INHBB: variants seen among roughly 807,000 people sequenced by gnomAD.
INHBB encodes the protein inhibin beta B chain.
A neutral mutation model predicts 28.9 loss-of-function variants in INHBB; 8 were observed. The ratio of observed to expected loss-of-function variants is 0.28; its 90% CI spans 0.16 to 0.50. The LOEUF is 0.50. Ranked by LOEUF, INHBB falls within the 20% of genes least tolerant of loss-of-function variation. The pLI is 0.98. For synonymous variants in INHBB, 293 were observed against 262.7 expected (o/e 1.12, Z -1.12); for missense variants, 499 against 597.8 (o/e 0.83, Z 1.72).
intron 1 of INHBB, among the ~76,000 whole-genome samples, chr2:120,348,274 A>G (rs2104574085): frequency 6.6e-6 from 1 of 151,492 alleles, no homozygotes; most frequent in East Asian, 1.9e-4. Flanking sequence ...GTCAGAGGCA[A>G]GGGTCACCGG....
intron 1 of INHBB, 27 bp downstream of exon 1, chr2:120,346,663 C>G (rs780087399): frequency 7.1e-7 from 1 of 1,402,478 alleles, no homozygotes; most frequent in Non-Finnish European, 9.2e-7. Flanking sequence ...GGCTGTCTGC[C>G]GCGGTCCCCG....
Position 120,349,914 on chromosome 2 carries a change from A to G in INHBB, c.*40A>G. The G allele has an allele frequency of 6.4e-7, 1 of 1,574,430 alleles. No homozygotes were observed. The highest frequency in any genetic ancestry group is 8.6e-7 in the Non-Finnish European group (1 of 1,157,086). On this transcript the variant is annotated 3_prime_UTR_variant, in exon 2 of 2. Coordinates refer to ENST00000295228, the MANE Select transcript of INHBB (RefSeq NM_002193.4). The surrounding 1 kb of genome is among the most constrained non-coding windows in gnomAD (Gnocchi z 5.6). ...GGCACGGTGGTGGGGCACGGAGGGC[A>G]GTCCCGGGTGGGCTTCTTCCAGCCC...
At chr2:120,346,930 C>T (rs1015342703) in intron 1 of INHBB, among the ~76,000 whole-genome samples, 2 of 152,234 alleles carry the variant, frequency 1.3e-5, no homozygotes, top group East Asian at 1.9e-4. Context: ...GTCCCCCTCC[C>T]GGCAGATGCG....
chr2:120,349,550 C>G lies in INHBB; in HGVS notation c.900C>G (p.Thr300=). The change falls in exon 2 of 2, where the codon ACC becomes ACG. Residue 300 remains threonine (T), a synonymous_variant. Transcript: ENST00000295228. The surrounding 1 kb of genome is among the most constrained non-coding windows in gnomAD (Gnocchi z 5.6). ...RKRGLECDGR[T]NLCCRQQFFI... ...GAGGCCTGGAGTGCGATGGCCGGAC[C>G]AACCTCTGTTGCAGGCAACAGTTCT... The G allele has an allele frequency of 1.2e-6, 2 of 1,614,060 alleles. No individual in the cohort carries two copies. Among genetic ancestry groups the G allele is most frequent in the South Asian group, 1.1e-5 (1 of 91,090 alleles).
Position 120,350,171 on chromosome 2 carries a change from G to T in INHBB, c.*297G>T. ...GCCTCCAGGATACCAGCAAATGGAT[G>T]CGGTGACAAATGGCAGCTTAGCTAC... On this transcript the variant is annotated 3_prime_UTR_variant, in exon 2 of 2. Transcript: ENST00000295228. 2.5e-6 allele frequency: 1 copy of T among 395,816 alleles called. No individual in the cohort carries two copies. The highest frequency in any genetic ancestry group is 4.6e-6 in the Non-Finnish European group (1 of 217,924). 24.5% of individuals were successfully genotyped at this position (395,816 alleles called of 1,614,324 possible).
rs777351329 is a variant in INHBB, at chr2:120,349,233, C to T, written c.583C>T (p.Arg195Trp). 81 of 1,614,036 alleles carry T rather than the reference C, an allele frequency of 5.0e-5. No homozygotes were observed. Among genetic ancestry groups the T allele is most frequent in the Non-Finnish European group, 6.4e-5 (75 of 1,180,048 alleles). The change falls in exon 2 of 2, where the codon CGG becomes TGG. Residue 195 changes from arginine (R) to tryptophan (W), a missense_variant. Around this residue, in one of 2 missense-constraint regions of INHBB, gnomAD observed 385 missense variants for 415.2 expected, o/e 0.93. Coordinates refer to ENST00000295228, the MANE Select transcript of INHBB (RefSeq NM_002193.4). The surrounding 1 kb of genome is among the most constrained non-coding windows in gnomAD (Gnocchi z 5.6). ...CTACGTCCTGGAGAAGGGCAGCCGG[C>T]GGAAGGTGCGGGTCAAAGTGTACTT... ...LPYVLEKGSRRKVRVKVYFQE... is the reference protein window; with the variant it reads ...LPYVLEKGSRWKVRVKVYFQE...
At chr2:120,347,396 C>CCG (rs1491128343) in intron 1 of INHBB, among the ~76,000 whole-genome samples, 1 of 85,098 alleles carries the variant, frequency 1.2e-5, no homozygotes, top group African/African-American at 6.7e-5. Context: ...CTGGAATCCG[C>CCG]CCCCCCCCCC....
intron 1 of INHBB, among the ~76,000 whole-genome samples, chr2:120,347,085 ATCTGTGTGTGTG>A (rs1330538319): frequency 2.0e-5 from 3 of 151,954 alleles, no homozygotes; most frequent in Non-Finnish European, 4.4e-5. Flanking sequence ...GTGTGTGTGT[ATCTGTGTGTGTG>A]TCTGTGTGTG....
chr2:120,347,410 C>T (rs1199752177), intron 1 of INHBB, among the ~76,000 whole-genome samples: 3 of 151,130 alleles, frequency 2.0e-5, no homozygotes, highest in Non-Finnish European at 4.4e-5. Context: ...CCCCCCCGGC[C>T]CCAGATTGCA....
Position 120,346,386 on chromosome 2 carries a change from G to C in INHBB, c.198G>C (p.Glu66Asp). The change falls in exon 1 of 2, where the codon GAG (glutamate) becomes GAC (aspartate). Residue 66 changes from glutamate to aspartate, a missense_variant. Glu to Asp is a conservative substitution (Grantham distance 45, BLOSUM62 2). Around this residue, in one of 2 missense-constraint regions of INHBB, gnomAD observed 385 missense variants for 415.2 expected, o/e 0.93. Transcript: ENST00000295228. ...TSCGGFRRPEELGRVDGDFLE... is the reference protein window; with the variant it reads ...TSCGGFRRPEDLGRVDGDFLE... ...GCGGCGGCTTCCGGCGGCCAGAGGA[G>C]CTCGGCCGAGTGGACGGCGACTTCC... 1 of 1,527,196 alleles carries C rather than the reference G, an allele frequency of 6.5e-7. No homozygotes were observed. The highest frequency in any genetic ancestry group is 2.6e-5 in the East Asian group (1 of 38,538). The allele number at this position is 1,527,196 out of a possible 1,614,324, so 94.6% of individuals were successfully genotyped here. A position where few individuals can be genotyped will look rare whatever the true frequency, so the allele number is the denominator to read the frequency against.
rs1390366565 is a variant in INHBB, at chr2:120,346,427, G to T, written c.239G>T (p.Arg80Leu). The T allele has an allele frequency of 3.9e-6, 6 of 1,549,490 alleles. No homozygotes were observed. The African/African-American group carries it at 7.1e-5, about 18-fold the overall frequency. The change falls in exon 1 of 2, where the codon CGG (arginine) becomes CTG (leucine). Residue 80 changes from arginine (R) to leucine (L), a missense_variant. By Grantham distance (102) the Arg-to-Leu change is moderately radical. Around this residue, in one of 2 missense-constraint regions of INHBB, gnomAD observed 385 missense variants for 415.2 expected, o/e 0.93. Transcript: ENST00000295228. ...GGCGACTTCCTGGAGGCGGTGAAGC[G>T]GCACATCTTGAGCCGCCTGCAGATG... ...VDGDFLEAVKRHILSRLQMRG... is the reference protein window; with the variant it reads ...VDGDFLEAVKLHILSRLQMRG...
In INHBB at chr2:120,350,277, C is replaced by T. The variant is rs966730894; in HGVS notation, c.*403C>T. ...CCCGGCCACTCTGAATTGCGCCTTC[C>T]GAGCACACATAAAAGCACAAAGACA... On this transcript the variant is annotated 3_prime_UTR_variant, in exon 2 of 2. Coordinates refer to ENST00000295228, the MANE Select transcript of INHBB (RefSeq NM_002193.4). 7.3e-5 allele frequency: 16 copies of T among 219,336 alleles called. No homozygotes were observed. The highest frequency in any genetic ancestry group is 2.3e-4 in the East Asian group (2 of 8,552). 13.6% of individuals were successfully genotyped at this position (219,336 alleles called of 1,614,324 possible).
At position 120,346,241 on chromosome 2, in the gene INHBB, C is replaced by T; in HGVS notation, c.53C>T (p.Ala18Val). Residue 18 changes from alanine to valine, a missense_variant, in exon 1 of 2, where the codon GCG becomes GTG. Ala to Val is a moderately conservative substitution (Grantham distance 64, BLOSUM62 0). This residue lies in a region of INHBB where 385 missense variants were observed against 415.2 expected (regional missense o/e 0.93). Coordinates refer to ENST00000295228, the MANE Select transcript of INHBB (RefSeq NM_002193.4). ...GGGGCCGCCTGCCTTCTGCTGCTGGCGGCCGGCTGGCTGGGGCCTGAGGCC... is the reference window on the plus strand; with the variant it reads ...GGGGCCGCCTGCCTTCTGCTGCTGGTGGCCGGCTGGCTGGGGCCTGAGGCC... ...ALGAACLLLL[A>V]AGWLGPEAWG... The T allele has an allele frequency of 1.6e-6, 2 of 1,226,056 alleles. No homozygotes were observed. The highest frequency in any genetic ancestry group is 3.9e-5 in the South Asian group (1 of 25,620). The allele number at this position is 1,226,056 out of a possible 1,614,324, so 75.9% of individuals were successfully genotyped here.
Position 120,349,613 on chromosome 2 carries a change from C to T in INHBB, c.963C>T (p.Ile321=). 2.5e-6 allele frequency: 4 copies of T among 1,613,846 alleles called. No homozygotes were observed. The highest frequency in any genetic ancestry group is 1.1e-5 in the South Asian group (1 of 91,080). The change falls in exon 2 of 2, where the codon ATC becomes ATT. Residue 321 remains isoleucine (I), a synonymous_variant. Transcript: ENST00000295228. The surrounding 1 kb of genome is among the most constrained non-coding windows in gnomAD (Gnocchi z 5.6). ...DFRLIGWNDW[I]IAPTGYYGNY... is the part of the protein sequence containing the mutation. ...GCCTCATCGGCTGGAACGACTGGATCATAGCACCCACCGGCTACTACGGGA... is the reference window on the plus strand; with the variant it reads ...GCCTCATCGGCTGGAACGACTGGATTATAGCACCCACCGGCTACTACGGGA...
chr2:120,349,078 C>T lies in INHBB; in HGVS notation c.449-21C>T, dbSNP rs187098833. 114 of 1,574,468 alleles carry T rather than the reference C, an allele frequency of 7.2e-5. No homozygotes were observed. The highest frequency in any genetic ancestry group is 5.3e-4 in the Admixed American group (30 of 56,456). On this transcript the variant is annotated intron_variant, in intron 1 of 1. Transcript: ENST00000295228. This position sits in a 1 kb window ranked among gnomAD's most constrained non-coding sequence, Gnocchi z 5.6. ...GTGTTCTCCTTGAATTAACTTGGCT[C>T]GCCCTTCCCCTTTTCCGCAGATGGC...
rs144228850 is a variant in INHBB, at chr2:120,349,491, C to G, written c.841C>G (p.Arg281Gly). ...SHRPFVVVQA[R>G]LGDSRHRIRK... ...CCGGCCCTTTGTGGTGGTGCAGGCT[C>G]GGCTGGGCGACAGCAGGCACCGCAT... Residue 281 changes from arginine (R) to glycine (G), a missense_variant, in exon 2 of 2, where the codon CGG (arginine) becomes GGG (glycine). Around this residue, in one of 2 missense-constraint regions of INHBB, gnomAD observed 385 missense variants for 415.2 expected, o/e 0.93. Transcript: ENST00000295228. This position sits in a 1 kb window ranked among gnomAD's most constrained non-coding sequence, Gnocchi z 5.6. 6.2e-7 allele frequency: 1 copy of G among 1,613,412 alleles called. No homozygotes were observed. Among genetic ancestry groups the G allele is most frequent in the Middle Eastern group, 1.6e-4 (1 of 6,062 alleles).
chr2:120,346,153 C>A lies in INHBB; in HGVS notation c.-36C>A. On this transcript the variant is annotated 5_prime_UTR_variant, in exon 1 of 2. Coordinates refer to ENST00000295228, the MANE Select transcript of INHBB (RefSeq NM_002193.4). ...CCTGCGCTCGGCTCGACTCGGCTCG[C>A]CTCGCGGCGGGCGCCCTCGTCGCCA... The A allele has an allele frequency of 3.7e-6, 4 of 1,092,980 alleles. No homozygotes were observed. Among genetic ancestry groups the A allele is most frequent in the Non-Finnish European group, 4.4e-6 (4 of 902,090 alleles). The allele number at this position is 1,092,980 out of a possible 1,614,324, so 67.7% of individuals were successfully genotyped here. A position where few individuals can be genotyped will look rare whatever the true frequency, so the allele number is the denominator to read the frequency against.
Position 120,349,153 on chromosome 2 carries a change from A to G in INHBB, c.503A>G (p.Asn168Ser). ...TACTTCTTCATCTCCAACGAAGGCA[A>G]CCAGAACCTGTTTGTGGTCCAGGCC... ...RLYFFISNEGNQNLFVVQASL... is the reference protein window; with the variant it reads ...RLYFFISNEGSQNLFVVQASL... Residue 168 changes from asparagine to serine, a missense_variant, in exon 2 of 2, where the codon AAC becomes AGC. By Grantham distance (46) the Asn-to-Ser change is conservative. This residue lies in a region of INHBB where 385 missense variants were observed against 415.2 expected (regional missense o/e 0.93). Transcript: ENST00000295228. This position sits in a 1 kb window ranked among gnomAD's most constrained non-coding sequence, Gnocchi z 5.6. 6.2e-7 allele frequency: 1 copy of G among 1,613,932 alleles called. No individual in the cohort carries two copies. Among genetic ancestry groups the G allele is most frequent in the East Asian group, 2.2e-5 (1 of 44,868 alleles).
Position 120,346,545 on chromosome 2 carries a change from C to T in INHBB, c.357C>T (p.Gly119=), listed in dbSNP as rs1691156443. The T allele has an allele frequency of 2.0e-6, 3 of 1,513,382 alleles. No individual in the cohort carries two copies. Among genetic ancestry groups the T allele is most frequent in the Admixed American group, 2.1e-5 (1 of 47,522 alleles). The allele number at this position is 1,513,382 out of a possible 1,614,324, so 93.7% of individuals were successfully genotyped here. ...ACGCGGGCAAGGTGCGCGAGGACGG[C>T]CGCGTGGAGATCCCGCACCTCGACG... is the stretch of plus-strand genomic sequence containing the variant. ...KLHAGKVRED[G]RVEIPHLDGH... is the part of the protein sequence containing the mutation. Residue 119 remains glycine, a synonymous_variant, in exon 1 of 2, where the codon GGC becomes GGT. Coordinates refer to ENST00000295228, the MANE Select transcript of INHBB (RefSeq NM_002193.4).
Sources: allele counts gnomAD v4.1 joint callset (sites outside exome capture counted in the v4.1 genomes callset), GRCh38; gene constraint gnomAD v4.1.1; regional missense constraint gnomAD v4.1.1; non-coding constraint Gnocchi (gnomAD v3.1); transcripts MANE v1.5; gene names NCBI Gene and HGNC (gene_info 2026-07-23, HGNC 2026-07-21).